The following JAM3 variants were observed in gnomAD, a reference collection of about 807,000 sequenced individuals.
JAM3 encodes junctional adhesion molecule C.
JAM3 carries 31 observed loss-of-function variants against 39.4 expected under a neutral mutation model. That is an observed-to-expected ratio of 0.79 (90% CI 0.59 to 1.06). The LOEUF (loss-of-function observed/expected upper bound fraction) is 1.06, where lower values mean the gene tolerates loss of function less well. JAM3 is among the 50% of genes least tolerant of loss of function. JAM3 has a pLI of 0.00. For missense variants in JAM3, 455 were observed against 391.4 expected (o/e 1.16, Z -1.37); for synonymous variants, 182 against 148.7 (o/e 1.22, Z -1.63).
chr11:134,111,897 G>A (rs1235060985), intron 1 of JAM3, among the ~76,000 whole-genome samples: 1 of 152,154 alleles, frequency 6.6e-6, no homozygotes, highest in Non-Finnish European at 1.5e-5. Flanking sequence ...TGGAAGCCCA[G>A]TGTGCTCACA....
chr11:134,133,524 A>T (rs1942807285), intron 1 of JAM3, among the ~76,000 whole-genome samples: 1 of 152,136 alleles, frequency 6.6e-6, no homozygotes, highest in Non-Finnish European at 1.5e-5. Context: ...ATTAGTTCAG[A>T]TGCTTTTTCT....
intron 1 of JAM3, among the ~76,000 whole-genome samples, chr11:134,132,859 A>G (rs1032871422): frequency 6.6e-6 from 1 of 152,262 alleles, no homozygotes; most frequent in Non-Finnish European, 1.5e-5. Context: ...TGAGCCTCCA[A>G]TGATTCATCA....
chr11:134,110,938 A>G (rs1942297374), intron 1 of JAM3, among the ~76,000 whole-genome samples: 1 of 152,020 alleles, frequency 6.6e-6, no homozygotes, highest in Non-Finnish European at 1.5e-5. Context: ...GTGAAAAAGG[A>G]TACACTAGCT....
intron 1 of JAM3, among the ~76,000 whole-genome samples, chr11:134,096,064 C>G (rs933131130): frequency 6.6e-6 from 1 of 152,152 alleles, no homozygotes; most frequent in Non-Finnish European, 1.5e-5. Flanking sequence ...GCAACCTCCA[C>G]CTCCTGGGTT....
chr11:134,070,269 C>T, intron 1 of JAM3: 1 of 454,998 alleles, frequency 2.2e-6, no homozygotes, highest in South Asian at 1.6e-5. Flanking sequence ...CCCCTGGCAG[C>T]CATCCGCAGG....
intron 1 of JAM3, chr11:134,124,377 G>A: frequency 3.1e-6 from 2 of 655,372 alleles, no homozygotes; most frequent in African/African-American, 1.8e-5. Flanking sequence ...TGGGAAAAGT[G>A]AAAGAAATCA....
intron 1 of JAM3, among the ~76,000 whole-genome samples, chr11:134,118,645 C>T (rs944667399): frequency 7.9e-5 from 12 of 152,136 alleles, no homozygotes; most frequent in African/African-American, 2.7e-4. Flanking sequence ...CTCCTCTCTC[C>T]CTGCCACCAC....
chr11:134,126,509 A>T (rs1942651359), intron 1 of JAM3: 1 of 152,208 alleles, frequency 6.6e-6, no homozygotes, highest in Admixed American at 6.5e-5. Flanking sequence ...TCTTAGGGCA[A>T]CCCACATTTC....
At chr11:134,094,227 G>A (rs1338831006) in intron 1 of JAM3, among the ~76,000 whole-genome samples, 5 of 120,886 alleles carry the variant, frequency 4.1e-5, no homozygotes, top group Non-Finnish European at 5.2e-5. Flanking sequence ...CCTGAGGGAA[G>A]CTTCTCCTGA....
At chr11:134,082,042 C>T (rs748763007) in intron 1 of JAM3, among the ~76,000 whole-genome samples, 4 of 151,976 alleles carry the variant, frequency 2.6e-5, no homozygotes, top group East Asian at 1.9e-4. Flanking sequence ...TGGGGCCTAT[C>T]GCCCCTTTGT....
intron 1 of JAM3, among the ~76,000 whole-genome samples, chr11:134,110,633 G>T (rs140316696): frequency 1.3e-5 from 2 of 152,216 alleles, no homozygotes; most frequent in East Asian, 3.9e-4. Flanking sequence ...TGGGGACAGG[G>T]CAGATGGGGT....
intron 1 of JAM3, among the ~76,000 whole-genome samples, chr11:134,081,914 C>G (rs1231820182): frequency 6.6e-6 from 1 of 152,242 alleles, no homozygotes; most frequent in Non-Finnish European, 1.5e-5. Flanking sequence ...TGGGTAGCTG[C>G]CCAAGACCAT....
At position 134,139,838 on chromosome 11, in the gene JAM3, C is replaced by T. The variant is rs756247331; in HGVS notation, c.77-13C>T. ...ATACATTGTCTCTGATTTTACTTTTCTTTCTCCTTCAGGCTGCCTGATAGG... is the reference window on the plus strand; with the variant it reads ...ATACATTGTCTCTGATTTTACTTTTTTTTCTCCTTCAGGCTGCCTGATAGG... On this transcript the variant is annotated splice_polypyrimidine_tract_variant and intron_variant, in intron 1 of 8. Coordinates refer to ENST00000299106, the MANE Select transcript of JAM3 (RefSeq NM_032801.5). 2.5e-6 allele frequency: 4 copies of T among 1,610,684 alleles called. No homozygotes were observed. The highest frequency in any genetic ancestry group is 2.2e-5 in the South Asian group (2 of 91,012).
rs1189307005 is a variant in JAM3 at position 134,149,173 on chromosome 11, G to T, written c.925G>T (p.Val309Leu). Residue 309 changes from valine (V) to leucine (L), a missense_variant, in exon 9 of 9, where the codon GTG becomes TTG. Transcript: ENST00000299106. ...CGACTTCAGACACAAGTCATCGTTT[G>T]TGATCTGAGACCCGCGGTGTGGCTG... The part of the protein sequence containing the change: ...EGDFRHKSSF[V>L]I The T allele has an allele frequency of 6.2e-7, 1 of 1,614,008 alleles. No individual in the cohort carries two copies. Among genetic ancestry groups the T allele is most frequent in the South Asian group, 1.1e-5 (1 of 91,076 alleles).
intron 1 of JAM3, chr11:134,070,365 C>G: frequency 2.7e-6 from 1 of 375,940 alleles, no homozygotes; most frequent in Non-Finnish European, 5.2e-6. Context: ...CCAGAATATA[C>G]AAATTAAAAC....
chr11:134,114,867 T>A (rs1942391819), intron 1 of JAM3, among the ~76,000 whole-genome samples: 1 of 152,244 alleles, frequency 6.6e-6, no homozygotes, highest in Non-Finnish European at 1.5e-5. Context: ...GTCAAGTTAG[T>A]CGATAGAATT....
At chr11:134,100,261 C>A (rs1190252639) in intron 1 of JAM3, among the ~76,000 whole-genome samples, 1 of 152,152 alleles carries the variant, frequency 6.6e-6, no homozygotes, top group Non-Finnish European at 1.5e-5. Flanking sequence ...CTCATCTGCT[C>A]TGCAGAGCCC....
At chr11:134,134,015 G>A (rs1942815778) in intron 1 of JAM3, among the ~76,000 whole-genome samples, 1 of 150,250 alleles carries the variant, frequency 6.7e-6, no homozygotes, top group African/African-American at 2.5e-5. Context: ...GATAACATAA[G>A]TAGATAACAT....
intron 1 of JAM3, among the ~76,000 whole-genome samples, chr11:134,111,880 G>T (rs921526829): frequency 6.6e-6 from 1 of 152,120 alleles, no homozygotes; most frequent in Non-Finnish European, 1.5e-5. Context: ...ATGTCCCTCA[G>T]TTATAATGGA....
Sources: allele counts gnomAD v4.1 joint callset (sites outside exome capture counted in the v4.1 genomes callset), GRCh38; gene constraint gnomAD v4.1.1; transcripts MANE v1.5; gene names NCBI Gene and HGNC (gene_info 2026-07-23, HGNC 2026-07-21).